Variants in ADGRL2 observed in about 807,000 individuals in gnomAD.
ADGRL2 encodes the protein calcium-independent alpha-latrotoxin receptor 2.
Under a neutral mutation model 157.4 loss-of-function variants are expected in ADGRL2, and 44 were observed. The ratio of observed to expected loss-of-function variants is 0.28; its 90% CI spans 0.22 to 0.36. The LOEUF (loss-of-function observed/expected upper bound fraction) is 0.36, where lower values mean the gene tolerates loss of function less well. ADGRL2 is among the 10% of genes least tolerant of loss of function. The probability of loss-of-function intolerance (pLI) is 1.00; values close to 1 mark genes in which losing one functional copy is unlikely to be tolerated. For synonymous variants in ADGRL2, 585 were observed against 624.7 expected (o/e 0.94, Z 0.95); for missense variants, 1,510 against 1,768.9 (o/e 0.85, Z 2.63).
chr1:81,661,618 C>T (rs2082651811), intron 3 of ADGRL2, among the ~76,000 whole-genome samples: 1 of 152,146 alleles, frequency 6.6e-6, no homozygotes, highest in Non-Finnish European at 1.5e-5. Flanking sequence ...ATTAACTTCA[C>T]TCATCTGTCT....
intron 1 of ADGRL2, among the ~76,000 whole-genome samples, chr1:81,351,679 G>A (rs1662901739): frequency 6.6e-6 from 1 of 152,096 alleles, no homozygotes; most frequent in African/African-American, 2.4e-5. Context: ...TTGAATCCTA[G>A]ATGGAAGGTG....
intron 2 of ADGRL2, among the ~76,000 whole-genome samples, chr1:81,499,308 C>T (rs1320808468): frequency 6.6e-6 from 1 of 152,242 alleles, no homozygotes; most frequent in Admixed American, 6.5e-5. Flanking sequence ...CTAGGCTCTG[C>T]TTTTGCAGGC....
chr1:81,668,973 C>T (rs2082811596), intron 3 of ADGRL2, among the ~76,000 whole-genome samples: 1 of 152,158 alleles, frequency 6.6e-6, no homozygotes. Flanking sequence ...CTAATATTAG[C>T]ACCACATTAT....
At chr1:81,951,680 G>A (rs1043517179) in intron 8 of ADGRL2, among the ~76,000 whole-genome samples, 1 of 152,032 alleles carries the variant, frequency 6.6e-6, no homozygotes, top group South Asian at 2.1e-4. Flanking sequence ...ATTTTAAATG[G>A]TAGCAGTGAA....
intron 2 of ADGRL2, among the ~76,000 whole-genome samples, chr1:81,446,110 T>C (rs1415587793): frequency 6.6e-6 from 1 of 152,062 alleles, no homozygotes; most frequent in Non-Finnish European, 1.5e-5. Flanking sequence ...TCCTATACTT[T>C]CATGTAAATG....
chr1:81,953,538 A>G (rs1167029244), intron 10 of ADGRL2, among the ~76,000 whole-genome samples: 3 of 152,170 alleles, frequency 2.0e-5, no homozygotes, highest in Non-Finnish European at 4.4e-5. Flanking sequence ...TGAAATATGA[A>G]TATAATTTGA....
At chr1:81,699,528 G>T (rs1164095023), upstream of ADGRL2, among the ~76,000 whole-genome samples, 1 of 152,182 alleles carries the variant, frequency 6.6e-6, no homozygotes, top group South Asian at 2.1e-4. Flanking sequence ...GGTTATGAGG[G>T]TTTAGAGACA....
chr1:81,902,084 A>AG (rs1366669661), intron 2 of ADGRL2, among the ~76,000 whole-genome samples: 1 of 152,112 alleles, frequency 6.6e-6, no homozygotes, highest in Admixed American at 6.6e-5. Context: ...GACAACCCAA[A>AG]GGGTAGAGTT....
At chr1:81,776,050 T>C (rs936229850) in intron 2 of ADGRL2, among the ~76,000 whole-genome samples, 2 of 152,166 alleles carry the variant, frequency 1.3e-5, no homozygotes, top group Non-Finnish European at 2.9e-5. Context: ...AATGATTTAC[T>C]ATCAGTGCTT....
At chr1:81,841,591 T>A (rs1389449233) in intron 2 of ADGRL2, among the ~76,000 whole-genome samples, 1 of 152,210 alleles carries the variant, frequency 6.6e-6, no homozygotes, top group African/African-American at 2.4e-5. Context: ...TGTTCATTCC[T>A]CCTTTTTTCT....
chr1:81,490,792 C>T (rs1176794307), intron 2 of ADGRL2, among the ~76,000 whole-genome samples: 10 of 152,162 alleles, frequency 6.6e-5, no homozygotes, highest in Non-Finnish European at 2.9e-5. Flanking sequence ...TAAGCATATC[C>T]TTTACATAAA....
chr1:81,966,209 GAC>G (rs1281844760), intron 12 of ADGRL2, 26 bp downstream of exon 12: 13 of 1,613,348 alleles, frequency 8.1e-6, no homozygotes, highest in Non-Finnish European at 1.0e-5. Flanking sequence ...TTTAAAAATT[GAC>G]AGTTTTTGTT....
chr1:81,850,337 T>C (rs565930266), intron 2 of ADGRL2, among the ~76,000 whole-genome samples: 4 of 151,470 alleles, frequency 2.6e-5, no homozygotes, highest in African/African-American at 9.6e-5. Context: ...TCCTCCTCTT[T>C]TACCCCTTCT....
At chr1:81,749,951 T>C (rs911010093) in intron 1 of ADGRL2, among the ~76,000 whole-genome samples, 5 of 152,156 alleles carry the variant, frequency 3.3e-5, no homozygotes, top group Non-Finnish European at 5.9e-5. Flanking sequence ...GAACTGCAGT[T>C]AATTGGGTTT....
intron 1 of ADGRL2, among the ~76,000 whole-genome samples, chr1:81,401,270 C>T (rs2076750015): frequency 6.6e-6 from 1 of 152,178 alleles, no homozygotes; most frequent in African/African-American, 2.4e-5. Context: ...CCTGGTGCTG[C>T]TTCATACCCA....
At chr1:81,389,548 G>T (rs948242793) in intron 1 of ADGRL2, among the ~76,000 whole-genome samples, 5 of 152,268 alleles carry the variant, frequency 3.3e-5, no homozygotes, top group Admixed American at 3.3e-4. Context: ...ATGACAGGTG[G>T]CAAATGACAT....
At chr1:81,424,646 T>C (rs187121677) in intron 1 of ADGRL2, among the ~76,000 whole-genome samples, 1 of 152,362 alleles carries the variant, frequency 6.6e-6, no homozygotes, top group Non-Finnish European at 1.5e-5. Context: ...GCTTTATTTT[T>C]AATCTTCATG....
chr1:81,445,584 T>G (rs2077583624), intron 2 of ADGRL2, among the ~76,000 whole-genome samples: 1 of 152,250 alleles, frequency 6.6e-6, no homozygotes, highest in South Asian at 2.1e-4. Context: ...CTCATATTTC[T>G]GTTTCTCTGA....
intron 2 of ADGRL2, among the ~76,000 whole-genome samples, chr1:81,463,129 A>AG (rs1212808525): frequency 3.0e-4 from 44 of 147,484 alleles, no homozygotes; most frequent in Middle Eastern, 3.5e-3. Context: ...AAAAAAAAAA[A>AG]AAAAAGAAAA....
Sources: allele counts gnomAD v4.1 joint callset (sites outside exome capture counted in the v4.1 genomes callset), GRCh38; gene constraint gnomAD v4.1.1; transcripts MANE v1.5; gene names NCBI Gene and HGNC (gene_info 2026-07-23, HGNC 2026-07-21).